The following BMPR1B variants were observed in gnomAD, a reference collection of about 807,000 sequenced individuals.
The protein encoded by BMPR1B is bone morphogenetic protein receptor type-1B.
Under a neutral mutation model 59.1 loss-of-function variants are expected in BMPR1B, and 12 were observed. The observed-to-expected ratio is 0.20, with a 90% CI of 0.13 to 0.33. BMPR1B has a LOEUF of 0.33. Ranked by LOEUF, BMPR1B falls within the 10% of genes least tolerant of loss-of-function variation. The pLI, the probability that BMPR1B is intolerant of heterozygous loss-of-function variation, is 1.00. For missense variants in BMPR1B, 550 were observed against 610.9 expected, an observed-to-expected ratio of 0.90 and a Z score of 1.05; for synonymous variants, 237 against 207.3, an observed-to-expected ratio of 1.14 and a Z score of -1.23.
Position 95,155,704 on chromosome 4 carries a change from A to G in BMPR1B, c.*1031A>G, listed in dbSNP as rs887395135. On this transcript the variant is annotated 3_prime_UTR_variant, in exon 13 of 13. Transcript: ENST00000515059. ...CAGATGGCTTGTATCTTATATATGCAAAGGAGCCAATCTCAGAAGCACAAA... is the reference window on the plus strand; with the variant it reads ...CAGATGGCTTGTATCTTATATATGCGAAGGAGCCAATCTCAGAAGCACAAA... 7 of 151,988 alleles carry G rather than the reference A, an allele frequency of 4.6e-5. No individual in the cohort carries two copies. The highest frequency in any genetic ancestry group is 1.5e-4 in the African/African-American group (6 of 41,370). The allele number at this position is 151,988 out of a possible 1,614,324, so 9.4% of individuals were successfully genotyped here. A position where few individuals can be genotyped will look rare whatever the true frequency, so the allele number is the denominator to read the frequency against.
chr4:94,789,745 T>C (rs1578645552), intron 1 of BMPR1B, among the ~76,000 whole-genome samples: 1 of 152,210 alleles, frequency 6.6e-6, no homozygotes, highest in Non-Finnish European at 1.5e-5. Context: ...AACCACAATT[T>C]ACTTTTGCAC....
intron 2 of BMPR1B, among the ~76,000 whole-genome samples, chr4:94,966,092 A>T (rs1730547369): frequency 6.6e-6 from 1 of 152,172 alleles, no homozygotes; most frequent in African/African-American, 2.4e-5. Context: ...TTGAAATGGG[A>T]TGAAAGTTGA....
chr4:95,016,420 G>T lies in BMPR1B; in HGVS notation c.-18+20286G>T, dbSNP rs188483983. On this transcript the variant is annotated intron_variant, in intron 3 of 12. Coordinates refer to ENST00000515059, the MANE Select transcript of BMPR1B (RefSeq NM_001203.3). ...AAAGTAGAAGATAATAGAATAGATT[G>T]TAATGTCATCATACAGATGTTTTAT... Among the ~76,000 whole-genome samples the T allele has an allele frequency of 1.8e-4, 27 of 152,302 alleles. No individual in the cohort carries two copies. In the East Asian group the frequency reaches 4.2e-3, roughly 24 times the overall value.
chr4:94,848,790 T>C (rs1725448801), intron 1 of BMPR1B, among the ~76,000 whole-genome samples: 3 of 151,954 alleles, frequency 2.0e-5, no homozygotes, highest in African/African-American at 7.3e-5. Flanking sequence ...GTGGAGCTGA[T>C]GAGAAAAGGT....
chr4:94,958,323 A>G (rs1177006685), intron 2 of BMPR1B, among the ~76,000 whole-genome samples: 1 of 152,198 alleles, frequency 6.6e-6, no homozygotes, highest in Non-Finnish European at 1.5e-5. Flanking sequence ...CAGGTGTATT[A>G]CCTTGCTAGG....
intron 2 of BMPR1B, among the ~76,000 whole-genome samples, chr4:94,966,075 T>C (rs1730546736): frequency 6.6e-6 from 1 of 152,208 alleles, no homozygotes. Flanking sequence ...AGTTTAAATA[T>C]TGACTTTTGA....
chr4:95,113,796 CCA>C (rs923812592), intron 4 of BMPR1B, among the ~76,000 whole-genome samples: 41 of 152,020 alleles, frequency 2.7e-4, no homozygotes, highest in African/African-American at 9.9e-4. Flanking sequence ...GATTCAAGGC[CCA>C]GTTCCATAAC....
chr4:94,923,568 G>A (rs553521330), intron 2 of BMPR1B, among the ~76,000 whole-genome samples: 1 of 152,274 alleles, frequency 6.6e-6, no homozygotes. Context: ...CTTGATAAAT[G>A]AGTGAACCTT....
chr4:95,068,976 T>A (rs1390840510), intron 3 of BMPR1B, among the ~76,000 whole-genome samples: 1 of 152,200 alleles, frequency 6.6e-6, no homozygotes, highest in African/African-American at 2.4e-5. Flanking sequence ...ATAATGGAAA[T>A]ATATTGTCTC....
intron 3 of BMPR1B, among the ~76,000 whole-genome samples, chr4:95,055,275 A>G (rs988049118): frequency 1.3e-5 from 2 of 152,178 alleles, no homozygotes; most frequent in African/African-American, 2.4e-5. Context: ...TTCAAAAAAT[A>G]GGTTATACAT....
At chr4:95,038,208 G>A (rs28448444) in intron 3 of BMPR1B, among the ~76,000 whole-genome samples, 2,723 of 152,224 alleles carry the variant, frequency 0.018, 81 homozygotes, top group African/African-American at 0.062. Context: ...CTCTGAGCTG[G>A]ATCATGCCTT....
intron 3 of BMPR1B, among the ~76,000 whole-genome samples, chr4:95,081,746 A>G (rs971180463): frequency 5.3e-5 from 8 of 152,102 alleles, no homozygotes; most frequent in African/African-American, 1.7e-4. Context: ...AAGAATAACC[A>G]CTCATATGAA....
At chr4:94,815,461 C>T (rs980909872) in intron 1 of BMPR1B, among the ~76,000 whole-genome samples, 1 of 152,162 alleles carries the variant, frequency 6.6e-6, no homozygotes, top group Admixed American at 6.5e-5. Context: ...AGTGGAATTA[C>T]TAGGAAAAGG....
In BMPR1B at chr4:95,029,220, T is replaced by G. The variant is rs564029318; in HGVS notation, c.-18+33086T>G. On this transcript the variant is annotated intron_variant, in intron 3 of 12. Transcript: ENST00000515059. ...CATTAACTCGTCATTTAGCATTAGG[T>G]ATATCTCCTAATGCTATCCCTACCC... 2.4e-4 allele frequency among the ~76,000 whole-genome samples: 36 copies of G among 151,624 alleles called. No homozygotes were observed. The South Asian group carries it at 7.3e-3, about 31-fold the overall frequency.
chr4:95,032,554 A>G (rs1724948015), intron 3 of BMPR1B, among the ~76,000 whole-genome samples: 1 of 152,166 alleles, frequency 6.6e-6, no homozygotes, highest in Non-Finnish European at 1.5e-5. Context: ...TCCTGGCAAC[A>G]ACCATTCTAC....
intron 1 of BMPR1B, among the ~76,000 whole-genome samples, chr4:94,835,848 C>T (rs968242915): frequency 4.0e-4 from 60 of 151,248 alleles, no homozygotes; most frequent in African/African-American, 1.2e-3. Flanking sequence ...CATGCTGGTG[C>T]GCTGCACCCA....
intron 3 of BMPR1B, among the ~76,000 whole-genome samples, chr4:95,097,720 T>G (rs1038047193): frequency 1.3e-5 from 2 of 152,116 alleles, no homozygotes; most frequent in Non-Finnish European, 2.9e-5. Flanking sequence ...GTATTTTTAG[T>G]AGAGACAGGG....
intron 3 of BMPR1B, among the ~76,000 whole-genome samples, chr4:95,053,280 C>CG (rs1271521614): frequency 5.9e-5 from 3 of 50,606 alleles, no homozygotes; most frequent in South Asian, 8.7e-4. Flanking sequence ...TTGCAGGGCA[C>CG]TTGTGTGTGT....
intron 1 of BMPR1B, among the ~76,000 whole-genome samples, chr4:94,799,770 A>C (rs990694750): frequency 7.2e-5 from 11 of 151,878 alleles, no homozygotes; most frequent in African/African-American, 1.9e-4. Context: ...GGCTCACTGC[A>C]ACCTGTGCCT....
Sources: allele counts gnomAD v4.1 joint callset (sites outside exome capture counted in the v4.1 genomes callset), GRCh38; gene constraint gnomAD v4.1.1; transcripts MANE v1.5; gene names NCBI Gene and HGNC (gene_info 2026-07-23, HGNC 2026-07-21).